KRR1: variants seen among roughly 807,000 people sequenced by gnomAD.
KRR1 encodes the protein KRR1 small subunit processome component homolog.
Under a neutral mutation model 50.0 loss-of-function variants are expected in KRR1, and 23 were observed. That is an observed-to-expected ratio of 0.46 (90% CI 0.33 to 0.65). The LOEUF (loss-of-function observed/expected upper bound fraction) is 0.65, where lower values mean the gene tolerates loss of function less well. Ranked by LOEUF, KRR1 falls within the 30% of genes least tolerant of loss-of-function variation. KRR1 has a pLI of 0.02. For synonymous variants in KRR1, 133 were observed against 146.3 expected (o/e 0.91, Z 0.66); for missense variants, 419 against 442.4 (o/e 0.95, Z 0.47).
Position 75,492,733 on chromosome 12 carries a change from C to T in KRR1, c.*7076G>A, listed in dbSNP as rs905561037. 1 of 152,118 alleles carries T rather than the reference C, an allele frequency of 6.6e-6. No homozygotes were observed. Among genetic ancestry groups the T allele is most frequent in the Non-Finnish European group, 1.5e-5 (1 of 68,026 alleles). 9.4% of individuals were successfully genotyped at this position (152,118 alleles called of 1,614,324 possible). A position where few individuals can be genotyped will look rare whatever the true frequency, so the allele number is the denominator to read the frequency against. Reference sequence around the variant, plus strand: ...TAACTTCAAATATTCATTTATTCAACAAATATTTGTTTTACTGAGCTCCAA... The same window carrying T: ...TAACTTCAAATATTCATTTATTCAATAAATATTTGTTTTACTGAGCTCCAA... On this transcript the variant is annotated 3_prime_UTR_variant, in exon 10 of 10. Transcript: ENST00000229214.
Position 75,498,612 on chromosome 12 carries a change from A to C in KRR1, c.*1197T>G. Reference sequence around the variant, plus strand: ...CCAAAGCAAGTTAATGGTCATAATTATAAGACTTAGCTTTTTAAAATAAAA... The same window carrying C: ...CCAAAGCAAGTTAATGGTCATAATTCTAAGACTTAGCTTTTTAAAATAAAA... On this transcript the variant is annotated 3_prime_UTR_variant, in exon 10 of 10. Coordinates refer to ENST00000229214, the MANE Select transcript of KRR1 (RefSeq NM_007043.7). The C allele has an allele frequency of 8.8e-7, 1 of 1,134,650 alleles. No homozygotes were observed. The highest frequency in any genetic ancestry group is 1.3e-6 in the Non-Finnish European group (1 of 755,278). 70.3% of individuals were successfully genotyped at this position (1,134,650 alleles called of 1,614,324 possible). A position where few individuals can be genotyped will look rare whatever the true frequency, so the allele number is the denominator to read the frequency against.
chr12:75,506,434 T>G (rs1480005368), intron 4 of KRR1, 35 bp from the exon 5 acceptor site: 5 of 1,604,510 alleles, frequency 3.1e-6, no homozygotes, highest in Middle Eastern at 3.3e-4. Flanking sequence ...TTCATTACTC[T>G]GAAAAAGTAT....
intron 7 of KRR1, 50 bp downstream of exon 7, chr12:75,503,851 AAAT>A: frequency 6.7e-7 from 1 of 1,485,680 alleles, no homozygotes; most frequent in Non-Finnish European, 9.1e-7. Flanking sequence ...GTTTCTGACC[AAAT>A]ACATTAAAAT....
At chr12:75,506,958 G>C in intron 2 of KRR1, 42 bp from the exon 3 acceptor site, 1 of 1,534,502 alleles carries the variant, frequency 6.5e-7, no homozygotes, top group Non-Finnish European at 8.7e-7. Context: ...CTAAAAATGA[G>C]TTTTTTTAGA....
chr12:75,499,248 A>C lies in KRR1; in HGVS notation c.*561T>G. The C allele has an allele frequency of 3.7e-6, 1 of 272,776 alleles. No individual in the cohort carries two copies. The highest frequency in any genetic ancestry group is 6.8e-6 in the Non-Finnish European group (1 of 146,960). The allele number at this position is 272,776 out of a possible 1,614,324, so 16.9% of individuals were successfully genotyped here. A position where few individuals can be genotyped will look rare whatever the true frequency, so the allele number is the denominator to read the frequency against. Reference sequence around the variant, plus strand: ...CAGCTTCTAAATCTGCAAAATGAGCAAGGTACAGTAGCACATTTTTAGGTG... The same window carrying C: ...CAGCTTCTAAATCTGCAAAATGAGCCAGGTACAGTAGCACATTTTTAGGTG... On this transcript the variant is annotated 3_prime_UTR_variant, in exon 10 of 10. Coordinates refer to ENST00000229214, the MANE Select transcript of KRR1 (RefSeq NM_007043.7).
chr12:75,499,803 G>GGTAT lies in KRR1; in HGVS notation c.*2_*5dup. On this transcript the variant is annotated 3_prime_UTR_variant, in exon 10 of 10. Transcript: ENST00000229214. ...AGATAGTTCTAGTCAAGGAGTTTTGGGTATGTTACTTTTTTTTCTTCTTTT... is the reference window on the plus strand; with the variant it reads ...AGATAGTTCTAGTCAAGGAGTTTTGGGTATGTATGTTACTTTTTTTTCTTCTTTT... 1 of 1,592,490 alleles carries GGTAT rather than the reference G, an allele frequency of 6.3e-7. No homozygotes were observed. The highest frequency in any genetic ancestry group is 8.5e-7 in the Non-Finnish European group (1 of 1,171,728).
In KRR1 at chr12:75,499,782, A is replaced by G. The variant is rs1471180360; in HGVS notation, c.*27T>C. The G allele has an allele frequency of 1.3e-6, 2 of 1,543,560 alleles. No individual in the cohort carries two copies. Among genetic ancestry groups the G allele is most frequent in the Non-Finnish European group, 1.7e-6 (2 of 1,143,880 alleles). Reference sequence around the variant, plus strand: ...CTCAAAATCCTTTACAAAAGGAGATAGTTCTAGTCAAGGAGTTTTGGGTAT... The same window carrying G: ...CTCAAAATCCTTTACAAAAGGAGATGGTTCTAGTCAAGGAGTTTTGGGTAT... On this transcript the variant is annotated 3_prime_UTR_variant, in exon 10 of 10. Coordinates refer to ENST00000229214, the MANE Select transcript of KRR1 (RefSeq NM_007043.7).
chr12:75,495,794 C>G lies in KRR1; in HGVS notation c.*4015G>C. 1.7e-6 allele frequency: 1 copy of G among 573,754 alleles called. No individual in the cohort carries two copies. Among genetic ancestry groups the G allele is most frequent in the East Asian group, 2.9e-5 (1 of 34,882 alleles). The allele number at this position is 573,754 out of a possible 1,614,324, so 35.5% of individuals were successfully genotyped here. ...AAACTGGCATCAAGTAGCAATTAAA[C>G]CAATGGCTTACTGTTCTAGGAATAC... On this transcript the variant is annotated 3_prime_UTR_variant, in exon 10 of 10. Coordinates refer to ENST00000229214, the MANE Select transcript of KRR1 (RefSeq NM_007043.7).
At position 75,495,572 on chromosome 12, in the gene KRR1, TAC is replaced by T. The variant is rs756938561; in HGVS notation, c.*4235_*4236del. Reference sequence around the variant, plus strand: ...TCTAATGGACATCCTTCTTCTGCTTTACAGAGGGAATTACCCAACTTGGCCAT... The same window carrying T: ...TCTAATGGACATCCTTCTTCTGCTTTAGAGGGAATTACCCAACTTGGCCAT... On this transcript the variant is annotated 3_prime_UTR_variant, in exon 10 of 10. Coordinates refer to ENST00000229214, the MANE Select transcript of KRR1 (RefSeq NM_007043.7). The T allele has an allele frequency of 6.4e-7, 1 of 1,561,770 alleles. No individual in the cohort carries two copies. The highest frequency in any genetic ancestry group is 2.2e-5 in the East Asian group (1 of 44,600).
At position 75,497,460 on chromosome 12, in the gene KRR1, T is replaced by C. The variant is rs1013030271; in HGVS notation, c.*2349A>G. On this transcript the variant is annotated 3_prime_UTR_variant, in exon 10 of 10. Transcript: ENST00000229214. ...AGATAAGTGCTCAACATCTTACAGATTGATCTTGTCACTAATTTCCTATTC... is the reference window on the plus strand; with the variant it reads ...AGATAAGTGCTCAACATCTTACAGACTGATCTTGTCACTAATTTCCTATTC... The C allele has an allele frequency of 2.6e-5, 4 of 152,242 alleles. No individual in the cohort carries two copies. The highest frequency in any genetic ancestry group is 4.4e-5 in the Non-Finnish European group (3 of 68,046). 9.4% of individuals were successfully genotyped at this position (152,242 alleles called of 1,614,324 possible).
intron 9 of KRR1, 38 bp downstream of exon 9, chr12:75,501,685 C>CTAAT (rs762219908): frequency 7.5e-7 from 1 of 1,337,314 alleles, no homozygotes; most frequent in East Asian, 2.3e-5. Flanking sequence ...TTTACTTTTC[C>CTAAT]TAATTAATAA....
chr12:75,502,034 A>G (rs762621921), intron 7 of KRR1, 34 bp from the exon 8 acceptor site: 1 of 1,549,594 alleles, frequency 6.5e-7, no homozygotes, highest in Non-Finnish European at 8.9e-7. Flanking sequence ...TACATCAGAA[A>G]TAATGTAGAG....
rs752116384 is a variant in KRR1 at position 75,506,843 on chromosome 12, T to A, written c.332A>T (p.Tyr111Phe). 1.2e-6 allele frequency: 2 copies of A among 1,613,276 alleles called. No homozygotes were observed. The highest frequency in any genetic ancestry group is 8.5e-7 in the Non-Finnish European group (1 of 1,179,430). The change falls in exon 3 of 10, where the codon TAT becomes TTT. Residue 111 changes from tyrosine to phenylalanine, a missense_variant. Transcript: ENST00000229214. ...CAGATCTCTGGCCCTAATGATGATATATGGATCAAAAGTCTTCTTTGTAGT... is the reference window on the plus strand; with the variant it reads ...CAGATCTCTGGCCCTAATGATGATAAATGGATCAAAAGTCTTCTTTGTAGT... ...VCTTKKTFDP[Y>F]IIIRARDLIK...
chr12:75,506,616 C>CAAAAAAAAAAAAAAAAAAAAAAAAAA lies in KRR1; in HGVS notation c.394-8_394-7insTTTTTTTTTTTTTTTTTTTTTTTTTT, dbSNP rs35071517. 6.2e-6 allele frequency: 6 copies of CAAAAAAAAAAAAAAAAAAAAAAAAAA among 962,196 alleles called. No homozygotes were observed. In the African/African-American group the frequency reaches 1.2e-4, roughly 19 times the overall value. 59.6% of individuals were successfully genotyped at this position (962,196 alleles called of 1,614,324 possible). ...CCTGAAGAATTCGTACTGCCTTTTG[C>CAAAAAAAAAAAAAAAAAAAAAAAAAA]AAAAAAAAAAAAAAAAAGAAGACAT... On this transcript the variant is annotated splice_polypyrimidine_tract_variant and splice_region_variant and intron_variant, in intron 3 of 9. Transcript: ENST00000229214.
chr12:75,501,915 T>C lies in KRR1; in HGVS notation c.909+8A>G, dbSNP rs1014136827. ...CTATTCATGTGAGCCAGACATAAAG[T>C]GCCGTACCTTTATTGCTTCCATTTT... On this transcript the variant is annotated splice_region_variant and intron_variant, in intron 8 of 9. Transcript: ENST00000229214. 1 of 1,607,554 alleles carries C rather than the reference T, an allele frequency of 6.2e-7. No homozygotes were observed. Among genetic ancestry groups the C allele is most frequent in the Non-Finnish European group, 8.5e-7 (1 of 1,177,824 alleles).
In KRR1 at chr12:75,499,783, G is replaced by C; in HGVS notation, c.*26C>G. On this transcript the variant is annotated 3_prime_UTR_variant, in exon 10 of 10. Coordinates refer to ENST00000229214, the MANE Select transcript of KRR1 (RefSeq NM_007043.7). ...TCAAAATCCTTTACAAAAGGAGATA[G>C]TTCTAGTCAAGGAGTTTTGGGTATG... The C allele has an allele frequency of 1.3e-6, 2 of 1,561,914 alleles. No homozygotes were observed. Among genetic ancestry groups the C allele is most frequent in the Non-Finnish European group, 1.7e-6 (2 of 1,153,072 alleles).
Position 75,498,479 on chromosome 12 carries a change from T to C in KRR1, c.*1330A>G. The C allele has an allele frequency of 2.2e-6, 1 of 463,944 alleles. No individual in the cohort carries two copies. Among genetic ancestry groups the C allele is most frequent in the Non-Finnish European group, 3.8e-6 (1 of 263,970 alleles). 28.7% of individuals were successfully genotyped at this position (463,944 alleles called of 1,614,324 possible). On this transcript the variant is annotated 3_prime_UTR_variant, in exon 10 of 10. Coordinates refer to ENST00000229214, the MANE Select transcript of KRR1 (RefSeq NM_007043.7). ...TAGTAATGGTATAGTTTCCTTTTTATAAAAGGTTTATAAAGTTTATGTAAA... is the reference window on the plus strand; with the variant it reads ...TAGTAATGGTATAGTTTCCTTTTTACAAAAGGTTTATAAAGTTTATGTAAA...
chr12:75,509,698 T>C (rs539189032), intron 1 of KRR1, among the ~76,000 whole-genome samples: 135 of 151,738 alleles, frequency 8.9e-4, no homozygotes, highest in Non-Finnish European at 1.5e-3. Flanking sequence ...AAGCGATCTA[T>C]TCTCTTGCCT....
intron 7 of KRR1, chr12:75,503,055 G>A (rs2046405341): frequency 6.6e-6 from 1 of 152,038 alleles, no homozygotes; most frequent in Admixed American, 6.6e-5. Flanking sequence ...AAGGCTTTAG[G>A]ATATAGCCAA....
Sources: allele counts gnomAD v4.1 joint callset (sites outside exome capture counted in the v4.1 genomes callset), GRCh38; gene constraint gnomAD v4.1.1; transcripts MANE v1.5; gene names NCBI Gene and HGNC (gene_info 2026-07-23, HGNC 2026-07-21).